Variants in EPB41L4B observed in about 807,000 individuals in gnomAD.
The protein encoded by EPB41L4B is erythrocyte membrane protein band 4.1 like 4B, also known as band 4.1-like protein 4B.
EPB41L4B carries 30 observed loss-of-function variants against 112.5 expected under a neutral mutation model. The observed-to-expected ratio is 0.27, with a 90% CI of 0.20 to 0.36. The LOEUF is 0.36. Ranked by LOEUF, EPB41L4B falls within the 10% of genes least tolerant of loss-of-function variation. The pLI, the probability that EPB41L4B is intolerant of heterozygous loss-of-function variation, is 1.00. For synonymous variants in EPB41L4B, 408 were observed against 439.7 expected, an observed-to-expected ratio of 0.93 and a Z score of 0.90; for missense variants, 1,024 against 1,133.3, an observed-to-expected ratio of 0.90 and a Z score of 1.38.
intron 15 of EPB41L4B, chr9:109,240,423 C>G: frequency 1.0e-6 from 1 of 985,310 alleles, no homozygotes; most frequent in African/African-American, 1.7e-5. Flanking sequence ...AATAAAATAT[C>G]TCAAAGGATG....
In EPB41L4B at chr9:109,219,752, C is replaced by T. The variant is rs566311459; in HGVS notation, c.1410-2607G>A. Among the ~76,000 whole-genome samples the T allele has an allele frequency of 5.8e-4, 89 of 152,292 alleles. 1 individual carries two copies. Among genetic ancestry groups the T allele is most frequent in the African/African-American group, 3.4e-4 (14 of 41,562 alleles). ...ACATATACTAAAACATTTTCTTCAA[C>T]GGAAAATCCATTTTTTTCTTATTTT... On this transcript the variant is annotated intron_variant, in intron 15 of 25. Coordinates refer to ENST00000374566, the MANE Select transcript of EPB41L4B (RefSeq NM_019114.5).
At chr9:109,245,508 T>C (rs1834520477) in intron 14 of EPB41L4B, among the ~76,000 whole-genome samples, 1 of 152,232 alleles carries the variant, frequency 6.6e-6, no homozygotes, top group Non-Finnish European at 1.5e-5. Flanking sequence ...GGGAAATGAC[T>C]GTGTGCATGT....
intron 1 of EPB41L4B, among the ~76,000 whole-genome samples, chr9:109,317,684 G>T (rs1347570629): frequency 6.6e-6 from 1 of 152,236 alleles, no homozygotes; most frequent in Non-Finnish European, 1.5e-5. Flanking sequence ...TTACAAAGGA[G>T]ACATTTAGCC....
At chr9:109,195,364 C>T (rs1279781795) in intron 20 of EPB41L4B, among the ~76,000 whole-genome samples, 1 of 152,110 alleles carries the variant, frequency 6.6e-6, no homozygotes, top group African/African-American at 2.4e-5. Flanking sequence ...AGCTGCAGTG[C>T]GGATGGGATT....
intron 1 of EPB41L4B, among the ~76,000 whole-genome samples, chr9:109,316,805 C>CT (rs1363712262): frequency 2.6e-5 from 4 of 152,156 alleles, no homozygotes; most frequent in African/African-American, 9.7e-5. Context: ...ATAGCAAAGA[C>CT]TAAGAACACC....
chr9:109,181,852 C>T (rs1473691998), intron 24 of EPB41L4B, among the ~76,000 whole-genome samples: 1 of 152,098 alleles, frequency 6.6e-6, no homozygotes, highest in Non-Finnish European at 1.5e-5. Flanking sequence ...TCCCAAAACC[C>T]CCAATAAATG....
chr9:109,241,245 C>T (rs1834343071), intron 15 of EPB41L4B: 2 of 988,418 alleles, frequency 2.0e-6, no homozygotes, highest in African/African-American at 3.5e-5. Flanking sequence ...GGAAATGACT[C>T]GTCCAGGCCA....
Position 109,220,281 on chromosome 9 carries a change from G to C in EPB41L4B, c.1410-3136C>G, listed in dbSNP as rs545869586. 5.9e-5 allele frequency among the ~76,000 whole-genome samples: 9 copies of C among 152,316 alleles called. No homozygotes were observed. The East Asian group carries it at 1.7e-3, about 29-fold the overall frequency. On this transcript the variant is annotated intron_variant, in intron 15 of 25. Transcript: ENST00000374566. ...CAAAGGAACGGTGGTTGAAAGAGCA[G>C]GATGTCTGGAGAAGTGAGGAGGAAA...
chr9:109,258,233 A>C lies in EPB41L4B; in HGVS notation c.696T>G (p.Ile232Met). 1.2e-6 allele frequency: 2 copies of C among 1,614,076 alleles called. No individual in the cohort carries two copies. Among genetic ancestry groups the C allele is most frequent in the African/African-American group, 2.7e-5 (2 of 75,056 alleles). ...ATTCCATTGCTTCTGTCTGATTTGG[A>C]ATGAACCGAAACTCAGACACAAGCT... Reference protein sequence around the residue: ...TPELVSEFRFIPNQTEAMEFD... With the variant: ...TPELVSEFRFMPNQTEAMEFD... Residue 232 changes from isoleucine (I) to methionine (M), a missense_variant, in exon 7 of 26, where the codon ATT becomes ATG. By Grantham distance (10) the Ile-to-Met change is conservative. Coordinates refer to ENST00000374566, the MANE Select transcript of EPB41L4B (RefSeq NM_019114.5).
Position 109,320,114 on chromosome 9 carries a change from G to C in EPB41L4B, c.306+27C>G, listed in dbSNP as rs775414120. The C allele has an allele frequency of 5.0e-6, 7 of 1,407,048 alleles. No individual in the cohort carries two copies. The East Asian group carries it at 1.8e-4, about 36-fold the overall frequency. 87.2% of individuals were successfully genotyped at this position (1,407,048 alleles called of 1,614,324 possible). A position where few individuals can be genotyped will look rare whatever the true frequency, so the allele number is the denominator to read the frequency against. On this transcript the variant is annotated intron_variant, in intron 1 of 25. Transcript: ENST00000374566. ...CTGCCTCCAGGGGCGCGAGGTGCCA[G>C]TGCCCCAGACTGGCCCCGTCACTCA...
At chr9:109,280,945 G>A (rs1836010720) in intron 1 of EPB41L4B, among the ~76,000 whole-genome samples, 1 of 152,078 alleles carries the variant, frequency 6.6e-6, no homozygotes, top group Admixed American at 6.5e-5. Context: ...GGCAGCATAT[G>A]CAAAAATTAA....
chr9:109,290,633 G>C (rs1359909323), intron 1 of EPB41L4B, among the ~76,000 whole-genome samples: 1 of 151,834 alleles, frequency 6.6e-6, no homozygotes, highest in Admixed American at 6.6e-5. Flanking sequence ...AGGAAGTGCT[G>C]ATTTCATGAT....
Position 109,220,860 on chromosome 9 carries a change from C to T in EPB41L4B, c.1410-3715G>A, listed in dbSNP as rs139537718. Among the ~76,000 whole-genome samples the T allele has an allele frequency of 5.3e-5, 8 of 152,240 alleles. No individual in the cohort carries two copies. The East Asian group carries it at 1.5e-3, about 29-fold the overall frequency. On this transcript the variant is annotated intron_variant, in intron 15 of 25. Transcript: ENST00000374566. ...TCTGGGAAACACCATCCCTCCTCGC[C>T]TCTCCAACCTGAAACATAACCAGAG...
At chr9:109,222,765 G>A (rs1263363171) in intron 15 of EPB41L4B, among the ~76,000 whole-genome samples, 8 of 152,316 alleles carry the variant, frequency 5.3e-5, no homozygotes, top group Admixed American at 3.3e-4. Context: ...GCTGCTATGT[G>A]CCTAGCACTG....
chr9:109,318,150 CGTGTGTGTGTGTGTGT>C (rs3983533), intron 1 of EPB41L4B, among the ~76,000 whole-genome samples: 7 of 149,480 alleles, frequency 4.7e-5, no homozygotes, highest in African/African-American at 1.5e-4. Flanking sequence ...GGGGCATATA[CGTGTGTGTGTGTGTGT>C]GTGTGTGTGT....
At chr9:109,210,698 C>T (rs938757518) in intron 17 of EPB41L4B, among the ~76,000 whole-genome samples, 5 of 152,110 alleles carry the variant, frequency 3.3e-5, no homozygotes, top group Non-Finnish European at 1.5e-5. Context: ...ATTTGTGCGT[C>T]GTCATATGAA....
intron 2 of EPB41L4B, among the ~76,000 whole-genome samples, chr9:109,276,669 C>T (rs1471776608): frequency 6.6e-6 from 1 of 152,226 alleles, no homozygotes. Flanking sequence ...ACCCCTCCTG[C>T]TGCACAGTGA....
At chr9:109,283,126 T>C (rs549889712) in intron 1 of EPB41L4B, among the ~76,000 whole-genome samples, 1 of 152,206 alleles carries the variant, frequency 6.6e-6, no homozygotes, top group East Asian at 1.9e-4. Context: ...CACACTTGGG[T>C]GACAAAACTG....
chr9:109,182,936 C>T (rs1832120930), intron 23 of EPB41L4B, 139 bp from the exon 24 acceptor site: 1 of 649,180 alleles, frequency 1.5e-6, no homozygotes. Context: ...TGTAAGGGCA[C>T]ATACAAAGGG....
Sources: gnomAD v4.1 joint callset for allele counts (sites outside exome capture counted in the v4.1 genomes callset) on GRCh38, gnomAD v4.1.1 for gene constraint, MANE v1.5 for transcripts, NCBI Gene and HGNC (gene_info 2026-07-23, HGNC 2026-07-21) for gene names.